TAFA1: variants seen among roughly 807,000 people sequenced by gnomAD.
TAFA1 encodes TAFA chemokine like family member 1.
TAFA1 carries 4 observed loss-of-function variants against 18.5 expected under a neutral mutation model. The observed-to-expected ratio is 0.22, with a 90% CI of 0.11 to 0.49. The LOEUF (loss-of-function observed/expected upper bound fraction) is 0.49, where lower values mean the gene tolerates loss of function less well. Among genes scored for constraint, TAFA1 ranks in the 20% least tolerant of loss-of-function variants. The probability of loss-of-function intolerance (pLI) is 0.98; values close to 1 mark genes in which losing one functional copy is unlikely to be tolerated. For synonymous variants in TAFA1, 56 were observed against 55.2 expected, an observed-to-expected ratio of 1.01 and a Z score of -0.06; for missense variants, 147 against 169.0, an observed-to-expected ratio of 0.87 and a Z score of 0.72.
intron 3 of TAFA1, among the ~76,000 whole-genome samples, chr3:68,500,582 T>A (rs1559695690): frequency 6.6e-6 from 1 of 152,126 alleles, no homozygotes; most frequent in Non-Finnish European, 1.5e-5. Context: ...TTATTGTAAC[T>A]TAGTCACACC....
chr3:68,040,259 C>G (rs528375628), intron 2 of TAFA1, among the ~76,000 whole-genome samples: 44 of 152,292 alleles, frequency 2.9e-4, no homozygotes, highest in African/African-American at 9.9e-4. Context: ...CTCACCTGCT[C>G]CATCGTTCAG....
chr3:68,184,298 C>A (rs73834879), intron 2 of TAFA1, among the ~76,000 whole-genome samples: 2,663 of 152,162 alleles, frequency 0.018, 88 homozygotes, highest in African/African-American at 0.061. Flanking sequence ...TACATGACAG[C>A]GATTTCAAAG....
chr3:68,218,872 C>A (rs2066695006), intron 2 of TAFA1, among the ~76,000 whole-genome samples: 1 of 152,058 alleles, frequency 6.6e-6, no homozygotes. Flanking sequence ...TCTTTGATAA[C>A]TTTAGTTTCT....
intron 2 of TAFA1, among the ~76,000 whole-genome samples, chr3:68,114,551 C>G (rs889586289): frequency 2.6e-5 from 4 of 152,140 alleles, no homozygotes; most frequent in African/African-American, 9.7e-5. Flanking sequence ...ACCAGAATAA[C>G]TAAAATTAAA....
intron 4 of TAFA1, among the ~76,000 whole-genome samples, chr3:68,540,830 G>A (rs539924693): frequency 1.3e-5 from 2 of 152,150 alleles, no homozygotes; most frequent in African/African-American, 4.8e-5. Context: ...ACTTTTTTGA[G>A]ACCAATGTAA....
At chr3:68,445,912 G>C (rs1288318515) in intron 3 of TAFA1, among the ~76,000 whole-genome samples, 1 of 152,066 alleles carries the variant, frequency 6.6e-6, no homozygotes, top group African/African-American at 2.4e-5. Flanking sequence ...ATTTTGATTT[G>C]TTTTCTAAGA....
At chr3:68,244,487 C>T (rs996262112) in intron 2 of TAFA1, among the ~76,000 whole-genome samples, 5 of 152,080 alleles carry the variant, frequency 3.3e-5, no homozygotes, top group African/African-American at 1.2e-4. Context: ...CCAATTGCTC[C>T]AGCACCATTT....
chr3:68,395,674 G>C (rs1200285636), intron 2 of TAFA1, among the ~76,000 whole-genome samples: 1 of 152,148 alleles, frequency 6.6e-6, no homozygotes, highest in Non-Finnish European at 1.5e-5. Context: ...GATGAAGCTG[G>C]AAACCATCAT....
intron 2 of TAFA1, among the ~76,000 whole-genome samples, chr3:68,352,050 C>G (rs1007793581): frequency 6.6e-6 from 1 of 151,762 alleles, no homozygotes; most frequent in Admixed American, 6.6e-5. Flanking sequence ...GATGTATAAT[C>G]GAAATAAGAA....
chr3:68,257,554 C>G (rs370812132), intron 2 of TAFA1, among the ~76,000 whole-genome samples: 1 of 152,006 alleles, frequency 6.6e-6, no homozygotes, highest in African/African-American at 2.4e-5. Context: ...GTGACAAGCA[C>G]TGGGCTAAGT....
upstream of TAFA1, among the ~76,000 whole-genome samples, chr3:68,001,585 T>A (rs1216796466): frequency 1.3e-5 from 2 of 151,944 alleles, no homozygotes; most frequent in Non-Finnish European, 2.9e-5. Flanking sequence ...TGTTGTTTTT[T>A]TTTTTTTGGT....
chr3:68,103,020 G>A (rs2065165699), intron 2 of TAFA1, among the ~76,000 whole-genome samples: 2 of 152,166 alleles, frequency 1.3e-5, no homozygotes, highest in African/African-American at 4.8e-5. Context: ...TTCTCTTAAG[G>A]TCAGAGAAGA....
At chr3:68,005,805 C>T (rs911415686) in intron 1 of TAFA1, among the ~76,000 whole-genome samples, 1 of 152,078 alleles carries the variant, frequency 6.6e-6, no homozygotes, top group African/African-American at 2.4e-5. Flanking sequence ...AGAAATTGGA[C>T]AATATATAGC....
chr3:68,257,557 G>A (rs2107183345), intron 2 of TAFA1, among the ~76,000 whole-genome samples: 1 of 152,086 alleles, frequency 6.6e-6, no homozygotes, highest in East Asian at 1.9e-4. Context: ...ACAAGCACTG[G>A]GCTAAGTGCA....
At chr3:68,358,317 C>T (rs188690099) in intron 2 of TAFA1, among the ~76,000 whole-genome samples, 11 of 151,922 alleles carry the variant, frequency 7.2e-5, no homozygotes, top group East Asian at 5.8e-4. Flanking sequence ...ATAATATTTA[C>T]AATTATACCC....
intron 2 of TAFA1, among the ~76,000 whole-genome samples, chr3:68,108,444 GTGTGTGTGTGTGTGTGTGCA>G (rs2065228113): frequency 1.7e-5 from 1 of 57,440 alleles, no homozygotes; most frequent in Non-Finnish European, 3.9e-5. Context: ...AGGTGTGTGT[GTGTGTGTGTGTGTGTGTGCA>G]TGTGTGTGTG....
intron 2 of TAFA1, among the ~76,000 whole-genome samples, chr3:68,143,678 G>C (rs541359782): frequency 6.6e-6 from 1 of 152,092 alleles, no homozygotes; most frequent in Non-Finnish European, 1.5e-5. Context: ...GAAGAGAGTG[G>C]GAAAAATCAC....
chr3:68,448,404 CAG>C (rs1443049049), intron 3 of TAFA1, among the ~76,000 whole-genome samples: 3 of 151,924 alleles, frequency 2.0e-5, no homozygotes, highest in African/African-American at 7.3e-5. Flanking sequence ...TAATAGAAAC[CAG>C]AGTTTTAAAA....
chr3:68,451,713 C>A (rs1575879032), intron 3 of TAFA1, among the ~76,000 whole-genome samples: 1 of 152,078 alleles, frequency 6.6e-6, no homozygotes, highest in East Asian at 1.9e-4. Context: ...GACAACAAGA[C>A]CAAACTGACA....
Sources: allele counts gnomAD v4.1 joint callset (sites outside exome capture counted in the v4.1 genomes callset), GRCh38; gene constraint gnomAD v4.1.1; transcripts MANE v1.5; gene names NCBI Gene and HGNC (gene_info 2026-07-23, HGNC 2026-07-21).